CD38: variants seen among roughly 807,000 people sequenced by gnomAD.
CD38 encodes CD38 molecule, also known as ADP-ribosyl cyclase/cyclic ADP-ribose hydrolase 1.
Under a neutral mutation model 36.3 loss-of-function variants are expected in CD38, and 31 were observed. The ratio of observed to expected loss-of-function variants is 0.85; its 90% confidence interval spans 0.64 to 1.15. CD38 has a LOEUF of 1.15. CD38 is among the 50% of genes most tolerant of loss of function. The pLI, the probability that CD38 is intolerant of heterozygous loss-of-function variation, is 0.00. For missense variants in CD38, 380 were observed against 371.9 expected (o/e 1.02, Z -0.18); for synonymous variants, 131 against 135.2 (o/e 0.97, Z 0.22).
At chr4:15,834,943 A>G (rs1359200054) in intron 4 of CD38, among the ~76,000 whole-genome samples, 4 of 152,176 alleles carry the variant, frequency 2.6e-5, no homozygotes, top group Non-Finnish European at 4.4e-5. Context: ...TTTATGGGGT[A>G]TATAGTGATG....
chr4:15,780,538 A>G (rs796847031), intron 1 of CD38, among the ~76,000 whole-genome samples: 2,039 of 150,894 alleles, frequency 0.014, 37 homozygotes, highest in African/African-American at 0.037. Flanking sequence ...ACACACACAC[A>G]CACACACACA....
intron 3 of CD38, among the ~76,000 whole-genome samples, chr4:15,833,753 T>G (rs1377494754): frequency 6.6e-6 from 1 of 152,216 alleles, no homozygotes; most frequent in Non-Finnish European, 1.5e-5. Flanking sequence ...TAAGACTGCC[T>G]TGATGAGGGC....
chr4:15,834,029 G>C (rs1187819618), intron 3 of CD38, among the ~76,000 whole-genome samples, 188 bp from the exon 4 acceptor site: 1 of 152,186 alleles, frequency 6.6e-6, no homozygotes, highest in Non-Finnish European at 1.5e-5. Context: ...TGGAAGATAA[G>C]GTAAGAACTT....
At chr4:15,815,198 C>T (rs908946727) in intron 1 of CD38, among the ~76,000 whole-genome samples, 3 of 152,136 alleles carry the variant, frequency 2.0e-5, no homozygotes, top group Admixed American at 1.3e-4. Context: ...AGTCAGGTAA[C>T]GTGATGCCTC....
At chr4:15,810,051 C>T (rs1010696026) in intron 1 of CD38, among the ~76,000 whole-genome samples, 2 of 152,280 alleles carry the variant, frequency 1.3e-5, no homozygotes, top group African/African-American at 4.8e-5. Context: ...ACTGAAAGCT[C>T]GGATTCATAA....
chr4:15,784,701 T>C (rs7663941), intron 1 of CD38, among the ~76,000 whole-genome samples: 69,169 of 152,006 alleles, frequency 0.46, 18,962 homozygotes, highest in African/African-American at 0.78. Flanking sequence ...TGTGTCTTCT[T>C]AATGCTTAGT....
At chr4:15,798,254 T>A (rs774805569) in intron 1 of CD38, among the ~76,000 whole-genome samples, 6 of 152,236 alleles carry the variant, frequency 3.9e-5, no homozygotes, top group South Asian at 2.1e-4. Flanking sequence ...GGTCATAGGA[T>A]CGGTTCAGCA....
chr4:15,801,701 C>A (rs1433646676), intron 1 of CD38, among the ~76,000 whole-genome samples: 1 of 152,072 alleles, frequency 6.6e-6, no homozygotes, highest in African/African-American at 2.4e-5. Flanking sequence ...ATCATATGAT[C>A]ACCACAATAG....
chr4:15,813,099 G>A (rs533638274), intron 1 of CD38, among the ~76,000 whole-genome samples: 1 of 152,130 alleles, frequency 6.6e-6, no homozygotes, highest in East Asian at 1.9e-4. Flanking sequence ...ATCTAATCTG[G>A]ATGAGTTTAG....
intron 2 of CD38, among the ~76,000 whole-genome samples, chr4:15,821,187 G>A (rs868647425): frequency 1.4e-4 from 21 of 152,128 alleles, no homozygotes; most frequent in African/African-American, 5.1e-4. Flanking sequence ...TGCAACTAAA[G>A]CAGTGTTAAG....
At chr4:15,791,755 G>A (rs1723000849) in intron 1 of CD38, among the ~76,000 whole-genome samples, 1 of 81,744 alleles carries the variant, frequency 1.2e-5, no homozygotes, top group South Asian at 3.6e-4. Flanking sequence ...CTACTGGGAA[G>A]TGAGGATCCC....
At chr4:15,783,997 A>C (rs1425044738) in intron 1 of CD38, among the ~76,000 whole-genome samples, 1 of 152,226 alleles carries the variant, frequency 6.6e-6, no homozygotes, top group Non-Finnish European at 1.5e-5. Context: ...ATGAAGAAAC[A>C]CAAGCATTGA....
intron 4 of CD38, among the ~76,000 whole-genome samples, 167 bp from the exon 5 acceptor site, chr4:15,837,925 C>T (rs1724105243): frequency 6.6e-6 from 1 of 152,208 alleles, no homozygotes; most frequent in Non-Finnish European, 1.5e-5. Flanking sequence ...GAAGCATAAT[C>T]CGTCCAGTGG....
chr4:15,786,059 G>A (rs149716276), intron 1 of CD38, among the ~76,000 whole-genome samples: 1 of 152,254 alleles, frequency 6.6e-6, no homozygotes, highest in Non-Finnish European at 1.5e-5. Flanking sequence ...TGGTCTCACT[G>A]TGCTCAGGAG....
chr4:15,824,288 AC>A (rs1723799657), intron 2 of CD38, among the ~76,000 whole-genome samples: 1 of 152,144 alleles, frequency 6.6e-6, no homozygotes, highest in South Asian at 2.1e-4. Context: ...CTGCATGTAT[AC>A]CCTGGATATA....
chr4:15,848,560 T>C lies in CD38; in HGVS notation c.861T>C (p.Cys287=). ...NIYRPDKFLQ[C]VKNPEDSSCT... ...ATAGACCTGACAAGTTTCTTCAGTG[T>C]GTGAAAAATCCTGAGGATTCATCTT... Residue 287 remains cysteine, a synonymous_variant, in exon 8 of 8, where the codon TGT becomes TGC. Coordinates refer to ENST00000226279, the MANE Select transcript of CD38 (RefSeq NM_001775.4). 6.2e-7 allele frequency: 1 copy of C among 1,613,958 alleles called. No individual in the cohort carries two copies. Among genetic ancestry groups the C allele is most frequent in the East Asian group, 2.2e-5 (1 of 44,882 alleles).
intron 2 of CD38, among the ~76,000 whole-genome samples, chr4:15,820,774 G>A (rs1412811785): frequency 6.6e-6 from 1 of 152,088 alleles, no homozygotes; most frequent in Non-Finnish European, 1.5e-5. Context: ...ATATTAGACA[G>A]ATCATCAAGA....
intron 1 of CD38, among the ~76,000 whole-genome samples, chr4:15,790,741 T>C (rs1363698513): frequency 1.5e-5 from 2 of 137,362 alleles, no homozygotes; most frequent in Non-Finnish European, 3.1e-5. Context: ...GAGCGCCTCT[T>C]CCCCGCCGCC....
Position 15,819,051 on chromosome 4 carries a change from C to T in CD38, c.363+2411C>T, listed in dbSNP as rs553983856. On this transcript the variant is annotated intron_variant, in intron 2 of 7. Coordinates refer to ENST00000226279, the MANE Select transcript of CD38 (RefSeq NM_001775.4). Reference sequence around the variant, plus strand: ...GTCCTTTGCAGGCATATGGATGAAGCTGGAAACCATCATTCTCAGCAAACT... The same window carrying T: ...GTCCTTTGCAGGCATATGGATGAAGTTGGAAACCATCATTCTCAGCAAACT... 3.9e-5 allele frequency among the ~76,000 whole-genome samples: 6 copies of T among 151,934 alleles called. No homozygotes were observed. The South Asian group carries it at 1.2e-3, about 32-fold the overall frequency.
Sources: allele counts gnomAD v4.1 joint callset (sites outside exome capture counted in the v4.1 genomes callset), GRCh38; gene constraint gnomAD v4.1.1; transcripts MANE v1.5; gene names NCBI Gene and HGNC (gene_info 2026-07-23, HGNC 2026-07-21).